The following CFAP65 variants were observed in gnomAD, a reference collection of about 807,000 sequenced individuals.
CFAP65 encodes cilia and flagella associated protein 65, also known as cilia- and flagella-associated protein 65.
CFAP65 carries 155 observed loss-of-function variants against 208.0 expected under a neutral mutation model. That is an observed-to-expected ratio of 0.75 (90% CI 0.65 to 0.85). The LOEUF (loss-of-function observed/expected upper bound fraction) is 0.85, where lower values mean the gene tolerates loss of function less well. Ranked by LOEUF, CFAP65 falls within the 40% of genes least tolerant of loss-of-function variation. The probability of loss-of-function intolerance (pLI) is 0.00; values close to 1 mark genes in which losing one functional copy is unlikely to be tolerated. For synonymous variants in CFAP65, 970 were observed against 986.3 expected, an observed-to-expected ratio of 0.98 and a Z score of 0.31; for missense variants, 2,294 against 2,451.3, an observed-to-expected ratio of 0.94 and a Z score of 1.36.
chr2:219,022,473 T>C, intron 16 of CFAP65, 144 bp from the exon 17 acceptor site: 2 of 856,420 alleles, frequency 2.3e-6, no homozygotes, highest in Non-Finnish European at 3.7e-6. Flanking sequence ...ACACGGCACA[T>C]GTATGGAGTC....
Position 219,006,016 on chromosome 2 carries a change from C to T in CFAP65, c.4922+5G>A, listed in dbSNP as rs1283518107. On this transcript the variant is annotated splice_donor_5th_base_variant and intron_variant, in intron 31 of 34. Transcript: ENST00000341552. The stretch of plus-strand genomic sequence containing the variant: ...AAGGTGACCCCTGCCTTCCCAAGAG[C>T]TTACCGGTGCAAAAAGTGGCAGGGA... 6.2e-7 allele frequency: 1 copy of T among 1,613,034 alleles called. No homozygotes were observed. Among genetic ancestry groups the T allele is most frequent in the East Asian group, 2.2e-5 (1 of 44,882 alleles).
Position 219,028,370 on chromosome 2 carries a change from C to A in CFAP65, c.1682G>T (p.Cys561Phe). Residue 561 changes from cysteine to phenylalanine, a missense_variant, in exon 12 of 35, where the codon TGC (cysteine) becomes TTC (phenylalanine). Transcript: ENST00000341552. The part of the protein sequence containing the change: ...DPLFLDLMGT[C>F]HSDSTKPAIL... The stretch of plus-strand genomic sequence containing the variant: ...GGCTGGCTTGGTGCTGTCCGAGTGG[C>A]AGGTCCCCATCAGGTCCAGGAACAG... 1 of 1,613,084 alleles carries A rather than the reference C, an allele frequency of 6.2e-7. No individual in the cohort carries two copies. The highest frequency in any genetic ancestry group is 8.5e-7 in the Non-Finnish European group (1 of 1,179,902).
intron 17 of CFAP65, 85 bp downstream of exon 17, chr2:219,022,086 C>A: frequency 6.6e-7 from 1 of 1,516,838 alleles, no homozygotes; most frequent in East Asian, 2.3e-5. Flanking sequence ...CCTTCCCTCC[C>A]ACCTTGGGAG....
At chr2:219,028,096 T>C in intron 12 of CFAP65, 87 bp from the exon 13 acceptor site, 1 of 1,551,626 alleles carries the variant, frequency 6.4e-7, no homozygotes, top group Non-Finnish European at 8.7e-7. Context: ...CTAGAAAGGC[T>C]ACACCAGTCG....
intron 3 of CFAP65, 52 bp from the exon 4 acceptor site, chr2:219,038,630 G>GCCTCT: frequency 1.3e-6 from 2 of 1,496,052 alleles, no homozygotes; most frequent in Non-Finnish European, 1.8e-6. Context: ...AGAAAGAGAG[G>GCCTCT]CTGAGGGAGG....
intron 22 of CFAP65, 80 bp from the exon 23 acceptor site, chr2:219,013,665 G>T: frequency 7.2e-7 from 1 of 1,397,268 alleles, no homozygotes; most frequent in Non-Finnish European, 1.0e-6. Flanking sequence ...TGACATTTCT[G>T]TGGCTTTGAG....
chr2:219,026,827 A>C, intron 13 of CFAP65: 1 of 986,322 alleles, frequency 1.0e-6, no homozygotes, highest in Non-Finnish European at 1.2e-6. Context: ...AGAGCCAGGC[A>C]TCTACAACCT....
rs756938839 is a variant in CFAP65 at position 219,038,419 on chromosome 2, C to G, written c.313G>C (p.Asp105His). 6.2e-7 allele frequency: 1 copy of G among 1,613,702 alleles called. No homozygotes were observed. The highest frequency in any genetic ancestry group is 1.3e-5 in the African/African-American group (1 of 75,026). Residue 105 changes from aspartate to histidine, a missense_variant, in exon 4 of 35, where the codon GAC (aspartate) becomes CAC (histidine). Transcript: ENST00000341552. The stretch of plus-strand genomic sequence containing the variant: ...CAGGCACTCATGGCTGCACTGCTGT[C>G]GTTGATGGCAGGGATGGCCACTGTG... ...ASTVAIPAIN[D>H]SSAAMSACST...
intron 21 of CFAP65, 160 bp from the exon 22 acceptor site, chr2:219,014,204 C>A: frequency 1.9e-6 from 1 of 536,906 alleles, no homozygotes; most frequent in African/African-American, 1.9e-5. Context: ...GCAAATGTGG[C>A]TGTTGTGGAT....
rs1470437228 is a variant in CFAP65, at chr2:219,009,610, A to G, written c.4453-150T>C. Reference sequence around the variant, plus strand: ...ATGGGACAAGATGGGATGGGATGGGACAAGATGGAATGGGATGGGATGGGA... The same window carrying G: ...ATGGGACAAGATGGGATGGGATGGGGCAAGATGGAATGGGATGGGATGGGA... On this transcript the variant is annotated intron_variant, in intron 27 of 34. Transcript: ENST00000341552. 11 of 491,506 alleles carry G rather than the reference A, an allele frequency of 2.2e-5. No homozygotes were observed. The African/African-American group carries it at 2.5e-4, about 11-fold the overall frequency. The allele number at this position is 491,506 out of a possible 1,614,324, so 30.4% of individuals were successfully genotyped here.
intron 4 of CFAP65, among the ~76,000 whole-genome samples, chr2:219,036,031 C>T (rs535064683): frequency 7.2e-5 from 11 of 151,970 alleles, no homozygotes; most frequent in African/African-American, 2.4e-4. Context: ...GTGCCTCCTC[C>T]CCTCTTCCTC....
In CFAP65 at chr2:219,013,329, T is replaced by G. The variant is rs1293060906; in HGVS notation, c.3887A>C (p.Tyr1296Ser). 12 of 1,613,882 alleles carry G rather than the reference T, an allele frequency of 7.4e-6. No homozygotes were observed. In the South Asian group the frequency reaches 1.2e-4, roughly 16 times the overall value. The change falls in exon 24 of 35, where the codon TAT becomes TCT. Residue 1296 changes from tyrosine to serine, a missense_variant. Tyr to Ser is a moderately radical substitution (Grantham distance 144). Transcript: ENST00000341552. ...GTGGGTAGTAGAGGTGAAGTGCACATACTTCTGCTCCGGCTTCACTGTCAC... is the reference window on the plus strand; with the variant it reads ...GTGGGTAGTAGAGGTGAAGTGCACAGACTTCTGCTCCGGCTTCACTGTCAC... ...IGVTVKPEQK[Y>S]VHFTSTTHQF... is the part of the protein sequence containing the mutation.
rs767672110 is a variant in CFAP65, at chr2:219,031,268, G to C, written c.853C>G (p.Pro285Ala). Reference sequence around the variant, plus strand: ...CCCGTGGCGGGCAGCATCTGGAATGGGCTGGAGAACTCCCAGGTGAAGAAG... The same window carrying C: ...CCCGTGGCGGGCAGCATCTGGAATGCGCTGGAGAACTCCCAGGTGAAGAAG... ...PTFFTWEFSS[P>A]FQMLPATGLL... The change falls in exon 8 of 35, where the codon CCA becomes GCA. Residue 285 changes from proline to alanine, a missense_variant. This residue lies in a region of CFAP65 where 867 missense variants were observed against 1,012.6 expected (regional missense o/e 0.86). Coordinates refer to ENST00000341552, the MANE Select transcript of CFAP65 (RefSeq NM_194302.4). The surrounding 1 kb of genome is among the most constrained non-coding windows in gnomAD (Gnocchi z 5.2). The C allele has an allele frequency of 6.2e-7, 1 of 1,613,994 alleles. No homozygotes were observed. Among genetic ancestry groups the C allele is most frequent in the Admixed American group, 1.7e-5 (1 of 60,008 alleles).
intron 11 of CFAP65, among the ~76,000 whole-genome samples, chr2:219,029,033 C>T (rs1947841685): frequency 1.3e-5 from 2 of 152,164 alleles, no homozygotes. Context: ...CCTATGCATG[C>T]TATGTGGGGT....
At chr2:219,040,591 A>G (rs751511097) in intron 1 of CFAP65, 27 bp from the exon 2 acceptor site, 59 of 1,552,070 alleles carry the variant, frequency 3.8e-5, no homozygotes, top group Non-Finnish European at 4.9e-5. Flanking sequence ...AGAGTCCATT[A>G]CTTTTCTGCC....
chr2:219,013,008 A>G (rs1039579191), intron 24 of CFAP65, among the ~76,000 whole-genome samples: 1 of 152,134 alleles, frequency 6.6e-6, no homozygotes, highest in Non-Finnish European at 1.5e-5. Context: ...ACATTTTGCT[A>G]AAGGAAAAAA....
chr2:219,038,684 C>T, intron 3 of CFAP65, 106 bp from the exon 4 acceptor site: 2 of 1,219,498 alleles, frequency 1.6e-6, no homozygotes, highest in Non-Finnish European at 2.4e-6. Context: ...GGGTCTGCTT[C>T]CCAGCTCTGG....
In CFAP65 at chr2:219,025,845, G is replaced by A. The variant is rs533914686; in HGVS notation, c.2349+177C>T. 3.3e-5 allele frequency among the ~76,000 whole-genome samples: 5 copies of A among 152,310 alleles called. No homozygotes were observed. The South Asian group carries it at 8.3e-4, about 25-fold the overall frequency. On this transcript the variant is annotated intron_variant, in intron 14 of 34. Transcript: ENST00000341552. ...CCCCAGTCCCAGTGTCGGGGCCCAG[G>A]AGCAAGTCCTCAGCCGGCCCAGATA...
Position 219,038,380 on chromosome 2 carries a change from C to T in CFAP65, c.352G>A (p.Ala118Thr), listed in dbSNP as rs370635840. The change falls in exon 4 of 35, where the codon GCC (alanine) becomes ACC (threonine). Residue 118 changes from alanine (A) to threonine (T), a missense_variant. By Grantham distance (58) the Ala-to-Thr change is moderately conservative. Transcript: ENST00000341552. ...AAMSACSTIS[A>T]QPASSMDTQM... ...TGCCCTGGCTGTATCCTTACCTGGG[C>T]GCTGATGGTGCTGCAGGCACTCATG... The T allele has an allele frequency of 2.0e-5, 32 of 1,612,406 alleles. No individual in the cohort carries two copies. Among genetic ancestry groups the T allele is most frequent in the South Asian group, 3.3e-5 (3 of 91,018 alleles).
Sources: gnomAD v4.1 joint callset for allele counts (sites outside exome capture counted in the v4.1 genomes callset) on GRCh38, gnomAD v4.1.1 for gene constraint, gnomAD v4.1.1 regional missense constraint, Gnocchi (gnomAD v3.1) non-coding constraint, MANE v1.5 for transcripts, NCBI Gene and HGNC (gene_info 2026-07-23, HGNC 2026-07-21) for gene names.